ATP6V1H: variants seen among roughly 807,000 people sequenced by gnomAD.
ATP6V1H encodes the protein ATPase H+ transporting V1 subunit H.
Under a neutral mutation model 71.7 loss-of-function variants are expected in ATP6V1H, and 39 were observed. The observed-to-expected ratio is 0.54, with a 90% CI of 0.42 to 0.71. The LOEUF is 0.71. Among genes scored for constraint, ATP6V1H ranks in the 30% least tolerant of loss-of-function variants. The pLI is 0.00. For synonymous variants in ATP6V1H, 192 were observed against 199.3 expected (o/e 0.96, Z 0.31); for missense variants, 509 against 594.9 (o/e 0.86, Z 1.50).
At chr8:53,733,939 G>A (rs1453390936) in intron 13 of ATP6V1H, among the ~76,000 whole-genome samples, 2 of 152,166 alleles carry the variant, frequency 1.3e-5, no homozygotes, top group Non-Finnish European at 2.9e-5. Flanking sequence ...GTGGGACCCT[G>A]GCCGAGGCTG....
chr8:53,794,807 G>A (rs774542230), intron 9 of ATP6V1H, among the ~76,000 whole-genome samples: 8 of 152,160 alleles, frequency 5.3e-5, no homozygotes, highest in African/African-American at 1.7e-4. Flanking sequence ...TATTCCCAAC[G>A]TATAGCAAAG....
chr8:53,777,484 A>C (rs983130834), intron 9 of ATP6V1H, among the ~76,000 whole-genome samples: 5 of 152,106 alleles, frequency 3.3e-5, no homozygotes, highest in African/African-American at 1.2e-4. Flanking sequence ...AAGTACCGAA[A>C]GAAAAAAAAA....
chr8:53,829,588 T>C (rs1810938223), intron 3 of ATP6V1H, 55 bp from the exon 4 acceptor site: 1 of 1,109,890 alleles, frequency 9.0e-7, no homozygotes, highest in African/African-American at 1.6e-5. Flanking sequence ...CACATTTCAA[T>C]GGAACTTCAG....
At chr8:53,802,052 T>C (rs971896043) in intron 7 of ATP6V1H, among the ~76,000 whole-genome samples, 156 bp from the exon 8 acceptor site, 3 of 152,232 alleles carry the variant, frequency 2.0e-5, no homozygotes, top group Non-Finnish European at 4.4e-5. Flanking sequence ...TCCTCATGTT[T>C]GCTTTAATCT....
intron 4 of ATP6V1H, among the ~76,000 whole-genome samples, chr8:53,821,498 T>C (rs1039874604): frequency 5.9e-5 from 9 of 151,732 alleles, no homozygotes; most frequent in Admixed American, 3.9e-4. Context: ...CTGGGCAACA[T>C]GGCGAAATCC....
rs111534562 is a variant in ATP6V1H at position 53,840,497 on chromosome 8, C to CAA, written c.113+1079_113+1080dup. Among the ~76,000 whole-genome samples, 131 of 125,114 alleles carry CAA rather than the reference C, an allele frequency of 1.0e-3. 1 individual carries two copies. In the Middle Eastern group the frequency reaches 0.017, roughly 16 times the overall value. 82.1% of individuals were successfully genotyped at this position (125,114 alleles called of 152,430 possible). ...TGGGCAACAGAGTGAGACTCTGTCT[C>CAA]AAAAAAAAAAAAAAATAGTGAATTA... On this transcript the variant is annotated intron_variant, in intron 2 of 13. Coordinates refer to ENST00000359530, the MANE Select transcript of ATP6V1H (RefSeq NM_015941.4).
At chr8:53,842,405 CCAGATA>C (rs765476006) in intron 1 of ATP6V1H, 2 of 152,224 alleles carry the variant, frequency 1.3e-5, no homozygotes, top group African/African-American at 2.4e-5. Context: ...TCCTAAACTT[CCAGATA>C]CAAACGACTG....
chr8:53,782,724 C>A (rs1346252026), intron 9 of ATP6V1H, among the ~76,000 whole-genome samples: 5 of 152,128 alleles, frequency 3.3e-5, no homozygotes, highest in African/African-American at 9.7e-5. Flanking sequence ...CCATCAATAC[C>A]TAATTTATTG....
intron 13 of ATP6V1H, among the ~76,000 whole-genome samples, chr8:53,721,508 A>T (rs1330468729): frequency 2.0e-5 from 3 of 152,202 alleles, no homozygotes; most frequent in Non-Finnish European, 4.4e-5. Flanking sequence ...TAGCTGCTTG[A>T]CATACATTTT....
chr8:53,833,297 A>C, intron 2 of ATP6V1H: 1 of 514,950 alleles, frequency 1.9e-6, no homozygotes, highest in Non-Finnish European at 3.5e-6. Context: ...ATTTATCTGC[A>C]AAATGCGAAC....
At chr8:53,720,083 T>A (rs1806564180) in intron 13 of ATP6V1H, among the ~76,000 whole-genome samples, 1 of 152,180 alleles carries the variant, frequency 6.6e-6, no homozygotes, top group Non-Finnish European at 1.5e-5. Context: ...TACATGAAGA[T>A]CAATACAATA....
Position 53,811,088 on chromosome 8 carries a change from C to T in ATP6V1H, c.579+76G>A, listed in dbSNP as rs903580411. The T allele has an allele frequency of 2.9e-5, 38 of 1,326,446 alleles. No homozygotes were observed. The African/African-American group carries it at 5.3e-4, about 18-fold the overall frequency. The allele number at this position is 1,326,446 out of a possible 1,614,324, so 82.2% of individuals were successfully genotyped here. A position where few individuals can be genotyped will look rare whatever the true frequency, so the allele number is the denominator to read the frequency against. ...TTATAGTTGGGGAACTAGTAAACAC[C>T]TTCAAAATTTTAAGTGTATATGACT... is the stretch of plus-strand genomic sequence containing the variant. On this transcript the variant is annotated intron_variant, in intron 7 of 13. Coordinates refer to ENST00000359530, the MANE Select transcript of ATP6V1H (RefSeq NM_015941.4).
intron 12 of ATP6V1H, among the ~76,000 whole-genome samples, chr8:53,752,208 T>A (rs1164890879): frequency 6.6e-6 from 1 of 152,218 alleles, no homozygotes; most frequent in African/African-American, 2.4e-5. Flanking sequence ...TAATGAGGGC[T>A]ATGGTAAAAA....
chr8:53,738,363 G>C (rs926694471), intron 13 of ATP6V1H, among the ~76,000 whole-genome samples: 1 of 151,278 alleles, frequency 6.6e-6, no homozygotes, highest in Non-Finnish European at 1.5e-5. Flanking sequence ...AATATGCCAA[G>C]GGATCACAGA....
At chr8:53,736,878 C>T (rs190924605) in intron 13 of ATP6V1H, among the ~76,000 whole-genome samples, 5 of 152,320 alleles carry the variant, frequency 3.3e-5, no homozygotes, top group East Asian at 3.9e-4. Context: ...GACAGCCCAG[C>T]GCCACACCCC....
At chr8:53,724,121 G>A (rs563034124) in intron 13 of ATP6V1H, among the ~76,000 whole-genome samples, 7 of 152,024 alleles carry the variant, frequency 4.6e-5, no homozygotes, top group African/African-American at 7.2e-5. Flanking sequence ...TATGCCATCC[G>A]AATTATCAAA....
chr8:53,765,261 G>A (rs1808409841), intron 11 of ATP6V1H, among the ~76,000 whole-genome samples: 1 of 151,886 alleles, frequency 6.6e-6, no homozygotes, highest in Non-Finnish European at 1.5e-5. Flanking sequence ...AATGAGCTGG[G>A]CGTGGTGGTG....
chr8:53,799,843 A>G (rs1694333704), intron 8 of ATP6V1H, among the ~76,000 whole-genome samples: 1 of 152,186 alleles, frequency 6.6e-6, no homozygotes, highest in Non-Finnish European at 1.5e-5. Flanking sequence ...AAAGATGGCC[A>G]TTTATGAATG....
chr8:53,818,755 C>A (rs922641944), intron 4 of ATP6V1H, among the ~76,000 whole-genome samples: 1 of 151,934 alleles, frequency 6.6e-6, no homozygotes, highest in Non-Finnish European at 1.5e-5. Flanking sequence ...GAAACATAAG[C>A]AATTCTGTCC....
Sources: allele counts gnomAD v4.1 joint callset (sites outside exome capture counted in the v4.1 genomes callset), GRCh38; gene constraint gnomAD v4.1.1; transcripts MANE v1.5; gene names NCBI Gene and HGNC (gene_info 2026-07-23, HGNC 2026-07-21).